Variants in HELLS observed in about 807,000 individuals in gnomAD.
The protein encoded by HELLS is helicase, lymphoid specific.
In HELLS, 32 loss-of-function variants were observed where a neutral mutation model predicts 120.0. The ratio of observed to expected loss-of-function variants is 0.27; its 90% CI spans 0.20 to 0.36. HELLS has a LOEUF of 0.36. Among genes scored for constraint, HELLS ranks in the 10% least tolerant of loss-of-function variants. HELLS has a pLI of 1.00. For missense variants in HELLS, 650 were observed against 993.4 expected, an observed-to-expected ratio of 0.65 and a Z score of 4.65; for synonymous variants, 341 against 323.4, an observed-to-expected ratio of 1.05 and a Z score of -0.58.
chr10:94,612,981 C>G (rs1846209428), exon 10 of HELLS: 1 of 152,194 alleles, frequency 6.6e-6, no homozygotes, highest in Admixed American at 6.5e-5. Context: ...TGTGCTACCT[C>G]TAATGTTCCA....
exon 10 of HELLS, chr10:94,613,175 A>G (rs138103647): frequency 2.0e-5 from 3 of 152,324 alleles, no homozygotes; most frequent in African/African-American, 7.2e-5. Context: ...GTGAGTTTAC[A>G]CCCCTACCAG....
chr10:94,574,479 GAGA>G, intron 8 of HELLS, 72 bp from the exon 9 acceptor site: 1 of 1,132,176 alleles, frequency 8.8e-7, no homozygotes, highest in Middle Eastern at 2.0e-4. Context: ...ATTTTTTAAA[GAGA>G]AGAAATAAAA....
chr10:94,557,253 TA>T, intron 3 of HELLS: 1 of 331,378 alleles, frequency 3.0e-6, no homozygotes, highest in Non-Finnish European at 6.2e-6. Context: ...CACCCACATT[TA>T]AAAATTATCA....
intron 6 of HELLS, among the ~76,000 whole-genome samples, chr10:94,566,649 C>G (rs576000782): frequency 1.3e-5 from 2 of 150,528 alleles, no homozygotes; most frequent in African/African-American, 4.9e-5. Flanking sequence ...CTTTCTTTTT[C>G]TTTTCTTTTT....
intron 2 of HELLS, among the ~76,000 whole-genome samples, chr10:94,546,761 T>G (rs1842770978): frequency 6.6e-6 from 1 of 152,262 alleles, no homozygotes; most frequent in Non-Finnish European, 1.5e-5. Flanking sequence ...ATTGCTTGTT[T>G]AGCCATGAAA....
At chr10:94,553,985 A>G in intron 2 of HELLS, 141 bp from the exon 3 acceptor site, 1 of 683,650 alleles carries the variant, frequency 1.5e-6, no homozygotes, top group Non-Finnish European at 2.4e-6. Context: ...TTTTTTTTTA[A>G]CAGTTATTTG....
At chr10:94,576,950 G>A (rs1312082334) in intron 10 of HELLS, 145 bp downstream of exon 10, 5 of 666,854 alleles carry the variant, frequency 7.5e-6, no homozygotes, top group African/African-American at 1.8e-5. Context: ...ACCTGTAGAA[G>A]CTGGAAACTT....
At chr10:94,553,776 G>A (rs749023295) in intron 2 of HELLS, among the ~76,000 whole-genome samples, 4 of 151,890 alleles carry the variant, frequency 2.6e-5, no homozygotes, top group Non-Finnish European at 4.4e-5. Context: ...TCGAACCCCC[G>A]ACCTCAGGTG....
downstream of HELLS, among the ~76,000 whole-genome samples, chr10:94,605,389 A>G (rs555231264): frequency 6.6e-6 from 1 of 152,062 alleles, no homozygotes; most frequent in African/African-American, 2.4e-5. Context: ...GGCTGGATCT[A>G]ACTTTTTTTC....
At chr10:94,578,376 T>G (rs962134550) in intron 10 of HELLS, among the ~76,000 whole-genome samples, 1 of 152,130 alleles carries the variant, frequency 6.6e-6, no homozygotes, top group African/African-American at 2.4e-5. Flanking sequence ...GCACTTTATT[T>G]TTATTATTAT....
intron 1 of HELLS, 25 bp from the exon 2 acceptor site, chr10:94,546,352 A>G (rs113672336): frequency 2.5e-5 from 40 of 1,613,804 alleles, no homozygotes; most frequent in Middle Eastern, 1.7e-4. Context: ...TAAAACTGCA[A>G]TTTGAAAGCT....
chr10:94,583,371 T>C (rs1844967963), intron 12 of HELLS, among the ~76,000 whole-genome samples: 1 of 152,144 alleles, frequency 6.6e-6, no homozygotes, highest in South Asian at 2.1e-4. Flanking sequence ...CTTTTATAAT[T>C]TACATCCTTG....
intron 4 of HELLS, among the ~76,000 whole-genome samples, chr10:94,560,459 CTGAGGCAGATGGATTCCT>C (rs1843494158): frequency 6.6e-6 from 1 of 152,036 alleles, no homozygotes; most frequent in Non-Finnish European, 1.5e-5. Flanking sequence ...CTTTGGGAGG[CTGAGGCAGATGGATTCCT>C]TGAGGCAAGG....
At chr10:94,575,412 T>G (rs1209800501) in intron 9 of HELLS, among the ~76,000 whole-genome samples, 2 of 151,810 alleles carry the variant, frequency 1.3e-5, no homozygotes, top group Admixed American at 1.3e-4. Context: ...CCAGCCCTTC[T>G]GCACATTTTT....
Position 94,599,546 on chromosome 10 carries a change from A to G in HELLS, c.2423-1982A>G, listed in dbSNP as rs1845925621. On this transcript the variant is annotated intron_variant, in intron 21 of 21. Transcript: ENST00000348459. ...TTTGTTTTGTGTATTTTGTAGAGAC[A>G]GGGGTTTGCCATGTTGCTCAAGCTG... Among the ~76,000 whole-genome samples, 3 of 152,086 alleles carry G rather than the reference A, an allele frequency of 2.0e-5. No individual in the cohort carries two copies. In the South Asian group the frequency reaches 6.2e-4, roughly 32 times the overall value.
At chr10:94,574,314 G>C (rs1447549018) in intron 8 of HELLS, 127 bp downstream of exon 8, 5 of 736,182 alleles carry the variant, frequency 6.8e-6, no homozygotes, top group Non-Finnish European at 1.1e-5. Context: ...GTGGATACTT[G>C]CTTTCTGATT....
rs776501461 is a variant in HELLS at position 94,546,436 on chromosome 10, C to G, written c.91C>G (p.Leu31Val). The change falls in exon 2 of 22, where the codon CTA becomes GTA. Residue 31 changes from leucine (L) to valine (V), a missense_variant. Transcript: ENST00000348459. The stretch of plus-strand genomic sequence containing the variant: ...CACTGCTGTGATTACCCCGGCCATG[C>G]TAGAAGAGGAAGAACAGCTTGAAGC... The part of the protein sequence containing the change: ...LDTAVITPAM[L>V]EEEEQLEAAG... The G allele has an allele frequency of 1.9e-6, 3 of 1,614,098 alleles. No individual in the cohort carries two copies. The South Asian group carries it at 3.3e-5, about 18-fold the overall frequency.
At position 94,557,264 on chromosome 10, in the gene HELLS, A is replaced by G. The variant is rs146409913; in HGVS notation, c.277-875A>G. ...CCATCACCCACATTTAAAAATTATC[A>G]ATTTAAATTTTGCTGTATTTGTCAA... On this transcript the variant is annotated intron_variant, in intron 3 of 21. Coordinates refer to ENST00000348459, the MANE Select transcript of HELLS (RefSeq NM_018063.5). The G allele has an allele frequency of 6.7e-3, 2,101 of 312,950 alleles. 20 individuals carry two copies. Among genetic ancestry groups the G allele is most frequent in the Non-Finnish European group, 8.9e-3 (1,337 of 150,906 alleles). The allele number at this position is 312,950 out of a possible 1,614,324, so 19.4% of individuals were successfully genotyped here.
At chr10:94,566,926 A>G (rs1054157379) in intron 6 of HELLS, among the ~76,000 whole-genome samples, 2 of 152,100 alleles carry the variant, frequency 1.3e-5, no homozygotes, top group African/African-American at 4.8e-5. Context: ...AAGTGCTGGG[A>G]TTACAGGTGT....
Sources: allele counts gnomAD v4.1 joint callset (sites outside exome capture counted in the v4.1 genomes callset), GRCh38; gene constraint gnomAD v4.1.1; transcripts MANE v1.5; gene names NCBI Gene and HGNC (gene_info 2026-07-23, HGNC 2026-07-21).